The following ACOT12 variants were observed in gnomAD, a reference collection of about 807,000 sequenced individuals.
The protein encoded by ACOT12 is acyl-CoA thioesterase 12, also known as acetyl-coenzyme A thioesterase.
In ACOT12, 51 loss-of-function variants were observed where a neutral mutation model predicts 67.7. The observed-to-expected ratio is 0.75, with a 90% CI of 0.60 to 0.95. The LOEUF is 0.95. ACOT12 is among the 40% of genes least tolerant of loss of function. The probability of loss-of-function intolerance (pLI) is 0.00; values close to 1 mark genes in which losing one functional copy is unlikely to be tolerated. For synonymous variants in ACOT12, 251 were observed against 244.6 expected (o/e 1.03, Z -0.24); for missense variants, 734 against 708.1 (o/e 1.04, Z -0.41).
At chr5:81,344,089 G>A in intron 9 of ACOT12, 71 bp downstream of exon 9, 2 of 1,493,754 alleles carry the variant, frequency 1.3e-6, no homozygotes, top group South Asian at 2.4e-5. Context: ...TAGAGACCCA[G>A]AGGGGGGCTC....
chr5:81,332,893 C>G (rs1016936828), intron 12 of ACOT12, among the ~76,000 whole-genome samples: 1 of 151,878 alleles, frequency 6.6e-6, no homozygotes, highest in Non-Finnish European at 1.5e-5. Flanking sequence ...TTGCAAAACC[C>G]TATCTTTATA....
the ACOT12 span, chr5:81,309,177 C>A: frequency 1.6e-6 from 1 of 629,164 alleles, no homozygotes; most frequent in Non-Finnish European, 2.6e-6. Context: ...TTATCAAGTG[C>A]TATCATATGT....
chr5:81,326,239 C>T (rs1227265314), downstream of ACOT12, among the ~76,000 whole-genome samples: 2 of 151,386 alleles, frequency 1.3e-5, no homozygotes, highest in Admixed American at 6.6e-5. Context: ...ATTCTCCTGC[C>T]TCAGCCTTGT....
At chr5:81,361,630 T>C (rs1025876201) in intron 4 of ACOT12, among the ~76,000 whole-genome samples, 33 of 152,356 alleles carry the variant, frequency 2.2e-4, no homozygotes, top group Admixed American at 2.1e-3. Flanking sequence ...ATTTCTGTTC[T>C]GCAGAAGTAC....
At chr5:81,342,620 G>A in intron 11 of ACOT12, 52 bp downstream of exon 11, 1 of 1,570,912 alleles carries the variant, frequency 6.4e-7, no homozygotes, top group Non-Finnish European at 8.8e-7. Context: ...CACCACCACA[G>A]CTTTCGTTTG....
At chr5:81,378,663 G>T (rs1760490025) in intron 2 of ACOT12, among the ~76,000 whole-genome samples, 1 of 152,130 alleles carries the variant, frequency 6.6e-6, no homozygotes, top group Non-Finnish European at 1.5e-5. Flanking sequence ...CCATCAAAAA[G>T]TGGGCGGAGG....
intron 3 of ACOT12, among the ~76,000 whole-genome samples, chr5:81,367,365 T>C (rs1760111643): frequency 6.6e-6 from 1 of 152,222 alleles, no homozygotes; most frequent in Non-Finnish European, 1.5e-5. Flanking sequence ...AACTATGTAT[T>C]GTAGGGTTTA....
At chr5:81,373,544 C>T (rs562182396) in intron 2 of ACOT12, among the ~76,000 whole-genome samples, 1 of 152,328 alleles carries the variant, frequency 6.6e-6, no homozygotes, top group Admixed American at 6.5e-5. Flanking sequence ...GGAAAGGGGG[C>T]TGAAGCCAGG....
intron 5 of ACOT12, 104 bp downstream of exon 5, chr5:81,359,799 G>T: frequency 7.8e-7 from 1 of 1,281,016 alleles, no homozygotes; most frequent in Non-Finnish European, 1.1e-6. Context: ...AGTGTCACCA[G>T]GACTGAATGG....
rs532842234 is a variant in ACOT12 at position 81,363,826 on chromosome 5, A to C, written c.322T>G (p.Phe108Val). ...ACTGGTTTGGCTACAAATGTGGAGAAAGCCACACTAACAAGCTTCTCAATG... is the reference window on the plus strand; with the variant it reads ...ACTGGTTTGGCTACAAATGTGGAGACAGCCACACTAACAAGCTTCTCAATG... ...TGIEKLVSVA[F>V]STFVAKPVGK... Residue 108 changes from phenylalanine to valine, a missense_variant, in exon 4 of 15, where the codon TTC (phenylalanine) becomes GTC (valine). Phe to Val is a conservative substitution (Grantham distance 50). Coordinates refer to ENST00000307624, the MANE Select transcript of ACOT12 (RefSeq NM_130767.3). The C allele has an allele frequency of 6.2e-7, 1 of 1,612,336 alleles. No homozygotes were observed.
intron 2 of ACOT12, among the ~76,000 whole-genome samples, chr5:81,379,658 C>G (rs555158205): frequency 6.6e-6 from 1 of 152,270 alleles, no homozygotes; most frequent in South Asian, 2.1e-4. Flanking sequence ...CTGGTCTTAT[C>G]TGGCTCCAAA....
At chr5:81,369,189 C>G in intron 3 of ACOT12, among the ~76,000 whole-genome samples, 1 of 151,820 alleles carries the variant, frequency 6.6e-6, no homozygotes, top group Non-Finnish European at 1.5e-5. Context: ...ATAATGTGCT[C>G]TTAGTGCAAA....
intron 12 of ACOT12, among the ~76,000 whole-genome samples, chr5:81,334,366 C>T (rs1211653395): frequency 6.6e-6 from 1 of 152,192 alleles, no homozygotes; most frequent in Non-Finnish European, 1.5e-5. Flanking sequence ...AAGCCATAAA[C>T]AGTCAACCCT....
intron 5 of ACOT12, among the ~76,000 whole-genome samples, chr5:81,350,152 C>G (rs1199763122): frequency 6.6e-6 from 1 of 152,142 alleles, no homozygotes; most frequent in African/African-American, 2.4e-5. Flanking sequence ...TTCATGTTTC[C>G]TAACCTCCCT....
At chr5:81,357,004 C>T (rs1407384270) in intron 5 of ACOT12, among the ~76,000 whole-genome samples, 1 of 151,918 alleles carries the variant, frequency 6.6e-6, no homozygotes, top group Non-Finnish European at 1.5e-5. Context: ...TGACACAATC[C>T]TACCTTCTTC....
Position 81,344,176 on chromosome 5 carries a change from G to T in ACOT12, c.964C>A (p.Arg322=), listed in dbSNP as rs776472585. 5.6e-6 allele frequency: 9 copies of T among 1,613,522 alleles called. No individual in the cohort carries two copies. Among genetic ancestry groups the T allele is most frequent in the Non-Finnish European group, 7.6e-6 (9 of 1,179,788 alleles). ...RRYRGAIARK[R]IRLGRKYVIS... ...GTTCCTTACCTGCCTAGGCGAATTC[G>T]CTTGCGTGCAATAGCTCCCCGATAG... Residue 322 remains arginine, a synonymous_variant, in exon 9 of 15, where the codon CGA becomes AGA. Transcript: ENST00000307624.
At chr5:81,385,716 A>T in intron 2 of ACOT12, 41 bp downstream of exon 2, 1 of 1,602,754 alleles carries the variant, frequency 6.2e-7, no homozygotes, top group Non-Finnish European at 8.5e-7. Flanking sequence ...AGATGAACCC[A>T]CAAACCCAGG....
rs1399340813 is a variant in ACOT12, at chr5:81,335,848, C to T, written c.1182G>A (p.Lys394=). 4 of 1,613,926 alleles carry T rather than the reference C, an allele frequency of 2.5e-6. No homozygotes were observed. The highest frequency in any genetic ancestry group is 3.3e-5 in the Admixed American group (2 of 60,002). ...EHDVLSVWVE[K]HVGSPAHLAY... ...CCAAATGTGCTGGACTTCCCACGTGCTTTTCAACCCAAACAGATAAAACAT... is the reference window on the plus strand; with the variant it reads ...CCAAATGTGCTGGACTTCCCACGTGTTTTTCAACCCAAACAGATAAAACAT... Residue 394 remains lysine, a synonymous_variant, in exon 12 of 15, where the codon AAG becomes AAA. Coordinates refer to ENST00000307624, the MANE Select transcript of ACOT12 (RefSeq NM_130767.3).
intron 10 of ACOT12, among the ~76,000 whole-genome samples, chr5:81,343,533 G>A (rs60787082): frequency 0.021 from 3,231 of 152,234 alleles, 121 homozygotes; most frequent in African/African-American, 0.075. Flanking sequence ...CACAAGTCAC[G>A]GTGAGATACC....
Sources: gnomAD v4.1 joint callset for allele counts (sites outside exome capture counted in the v4.1 genomes callset) on GRCh38, gnomAD v4.1.1 for gene constraint, MANE v1.5 for transcripts, NCBI Gene and HGNC (gene_info 2026-07-23, HGNC 2026-07-21) for gene names.